KCNMA1: variants seen among roughly 807,000 people sequenced by gnomAD.
The protein encoded by KCNMA1 is potassium calcium-activated channel subfamily M alpha 1, also known as Calcium-activated potassium channel subunit alpha-1.
A neutral mutation model predicts 140.0 loss-of-function variants in KCNMA1; 29 were observed. That is an observed-to-expected ratio of 0.21 (90% CI 0.15 to 0.28). The LOEUF (loss-of-function observed/expected upper bound fraction) is 0.28, where lower values mean the gene tolerates loss of function less well. KCNMA1 is among the 10% of genes least tolerant of loss of function. The pLI, the probability that KCNMA1 is intolerant of heterozygous loss-of-function variation, is 1.00. For missense variants in KCNMA1, 880 were observed against 1,602.2 expected (o/e 0.55, Z 7.70); for synonymous variants, 612 against 611.9 (o/e 1.00, Z 0.00).
chr10:77,500,411 G>A (rs945385296), intron 1 of KCNMA1, among the ~76,000 whole-genome samples: 1 of 152,144 alleles, frequency 6.6e-6, no homozygotes. Context: ...GCTTTGGGAG[G>A]CCGAGGTGGC....
rs191795223 is a variant in KCNMA1 at position 77,455,835 on chromosome 10, T to C, written c.379-51812A>G. 8.5e-4 allele frequency among the ~76,000 whole-genome samples: 130 copies of C among 152,304 alleles called. 2 individuals carry two copies. The East Asian group carries it at 0.023, about 27-fold the overall frequency. On this transcript the variant is annotated intron_variant, in intron 1 of 27. Coordinates refer to ENST00000286628, the MANE Select transcript of KCNMA1 (RefSeq NM_001161352.2). ...AATTGGGTCAGAGCTGGCCAGCCCA[T>C]TCATTTAATCCAAACGCCCCCTTTC...
At chr10:77,575,857 G>T (rs1039270778) in intron 1 of KCNMA1, among the ~76,000 whole-genome samples, 3 of 152,200 alleles carry the variant, frequency 2.0e-5, no homozygotes, top group African/African-American at 7.2e-5. Context: ...ATAGAGCCCT[G>T]GGCCCCACCC....
chr10:77,251,724 A>T (rs755945146), intron 2 of KCNMA1, among the ~76,000 whole-genome samples: 1 of 152,224 alleles, frequency 6.6e-6, no homozygotes, highest in Non-Finnish European at 1.5e-5. Flanking sequence ...AGTACAATTC[A>T]TCAATGACTT....
intron 1 of KCNMA1, among the ~76,000 whole-genome samples, chr10:77,496,678 G>A (rs2042077346): frequency 2.1e-5 from 3 of 139,914 alleles, no homozygotes; most frequent in South Asian, 2.6e-4. Context: ...TATATACCAT[G>A]TTTGTTTACC....
chr10:77,420,524 C>CT (rs2096844172), intron 1 of KCNMA1, among the ~76,000 whole-genome samples: 1 of 152,198 alleles, frequency 6.6e-6, no homozygotes, highest in South Asian at 2.1e-4. Flanking sequence ...TGTTTCTCTG[C>CT]TTATCAGTCC....
chr10:77,204,051 A>C (rs2043261589), intron 3 of KCNMA1, among the ~76,000 whole-genome samples: 2 of 151,732 alleles, frequency 1.3e-5, no homozygotes, highest in Non-Finnish European at 2.9e-5. Flanking sequence ...AGCCAAGATC[A>C]CATCACTGCA....
At chr10:77,015,824 T>C (rs11001971) in intron 17 of KCNMA1, among the ~76,000 whole-genome samples, 63,760 of 151,662 alleles carry the variant, frequency 0.42, 13,925 homozygotes, top group Middle Eastern at 0.62. Flanking sequence ...CCAAATACAG[T>C]CTGAATGGGA....
At chr10:77,028,121 C>T (rs1275751982) in intron 15 of KCNMA1, among the ~76,000 whole-genome samples, 2 of 152,136 alleles carry the variant, frequency 1.3e-5, no homozygotes, top group Admixed American at 6.5e-5. Context: ...GCAAATTGCA[C>T]TCAGGTCTGG....
chr10:77,236,553 C>T (rs959260090), intron 3 of KCNMA1, among the ~76,000 whole-genome samples: 4 of 152,236 alleles, frequency 2.6e-5, no homozygotes, highest in Non-Finnish European at 5.9e-5. Context: ...CCCTGGATTA[C>T]TGCAACCAGC....
chr10:77,344,072 C>G (rs1363885246), intron 2 of KCNMA1, among the ~76,000 whole-genome samples: 1 of 152,196 alleles, frequency 6.6e-6, no homozygotes, highest in African/African-American at 2.4e-5. Context: ...CACAGGCATC[C>G]CCTGCCCCAG....
intron 2 of KCNMA1, among the ~76,000 whole-genome samples, chr10:77,313,586 A>G (rs2079950580): frequency 6.6e-6 from 1 of 152,216 alleles, no homozygotes; most frequent in African/African-American, 2.4e-5. Flanking sequence ...CTTCCAAGGA[A>G]ACTCAGGGAA....
intron 2 of KCNMA1, among the ~76,000 whole-genome samples, chr10:77,345,048 T>C (rs1383815531): frequency 6.6e-6 from 1 of 152,208 alleles, no homozygotes; most frequent in Non-Finnish European, 1.5e-5. Context: ...TTGCTCAAGG[T>C]TATACAGATA....
At chr10:76,968,249 C>T (rs989074504) in intron 20 of KCNMA1, among the ~76,000 whole-genome samples, 3 of 152,036 alleles carry the variant, frequency 2.0e-5, no homozygotes, top group Admixed American at 6.6e-5. Context: ...CTGAAGGCTA[C>T]GACTTAAAAA....
At chr10:77,602,920 T>C (rs761265253) in intron 1 of KCNMA1, among the ~76,000 whole-genome samples, 3 of 152,204 alleles carry the variant, frequency 2.0e-5, no homozygotes, top group Non-Finnish European at 4.4e-5. Context: ...AAGCACAATG[T>C]AACCAAGCCA....
At chr10:77,324,955 CTCTCTCTCTCTCTCTCTG>C (rs1334770730) in intron 2 of KCNMA1, among the ~76,000 whole-genome samples, 8 of 104,196 alleles carry the variant, frequency 7.7e-5, no homozygotes, top group African/African-American at 1.2e-4. Context: ...CTCTCTCTCT[CTCTCTCTCTCTCTCTCTG>C]TGTGTGTGTG....
At chr10:77,517,792 T>C (rs1481853848) in intron 1 of KCNMA1, among the ~76,000 whole-genome samples, 2 of 152,142 alleles carry the variant, frequency 1.3e-5, no homozygotes, top group African/African-American at 2.4e-5. Context: ...GGCACATTCC[T>C]AGGGTGTAGA....
chr10:77,259,931 G>C (rs1156373094), intron 2 of KCNMA1, among the ~76,000 whole-genome samples: 1 of 152,192 alleles, frequency 6.6e-6, no homozygotes, highest in Non-Finnish European at 1.5e-5. Context: ...GTCTCAATCA[G>C]TATTTGTTAA....
chr10:77,322,295 C>G (rs192939315), intron 2 of KCNMA1, among the ~76,000 whole-genome samples: 2 of 152,284 alleles, frequency 1.3e-5, no homozygotes, highest in Admixed American at 6.5e-5. Flanking sequence ...TTAAATCTCT[C>G]TTTACACGGG....
In KCNMA1 at chr10:76,952,407, C is replaced by G. The variant is rs550920000; in HGVS notation, c.2484+1394G>C. The stretch of plus-strand genomic sequence containing the variant: ...TGGTGGCGCGAACCTATAGTCCCAG[C>G]TACTCGGGAGGCTGAGGCAGGAGAA... On this transcript the variant is annotated intron_variant, in intron 21 of 27. Coordinates refer to ENST00000286628, the MANE Select transcript of KCNMA1 (RefSeq NM_001161352.2). Among the ~76,000 whole-genome samples, 27 of 152,252 alleles carry G rather than the reference C, an allele frequency of 1.8e-4. 1 individual carries two copies. The South Asian group carries it at 4.8e-3, about 27-fold the overall frequency.
Sources: allele counts gnomAD v4.1 joint callset (sites outside exome capture counted in the v4.1 genomes callset), GRCh38; gene constraint gnomAD v4.1.1; transcripts MANE v1.5; gene names NCBI Gene and HGNC (gene_info 2026-07-23, HGNC 2026-07-21).